MGAT4C: variants seen among roughly 807,000 people sequenced by gnomAD.
The protein encoded by MGAT4C is MGAT4 family member C, also known as alpha-1,3-mannosyl-glycoprotein 4-beta-N-acetylglucosaminyltransferase C.
MGAT4C carries 19 observed loss-of-function variants against 40.1 expected under a neutral mutation model. That is an observed-to-expected ratio of 0.47 (90% CI 0.33 to 0.70). The LOEUF is 0.70. MGAT4C is among the 30% of genes least tolerant of loss of function. The pLI, the probability that MGAT4C is intolerant of heterozygous loss-of-function variation, is 0.02. For synonymous variants in MGAT4C, 181 were observed against 187.1 expected (o/e 0.97, Z 0.27); for missense variants, 491 against 563.2 (o/e 0.87, Z 1.30).
intron 2 of MGAT4C, among the ~76,000 whole-genome samples, chr12:86,594,477 A>G (rs894986534): frequency 6.6e-6 from 1 of 152,198 alleles, no homozygotes; most frequent in African/African-American, 2.4e-5. Context: ...TCATGCTAAA[A>G]GTGGAATTCT....
At chr12:86,567,739 C>T (rs1960193614) in intron 2 of MGAT4C, among the ~76,000 whole-genome samples, 2 of 152,174 alleles carry the variant, frequency 1.3e-5, no homozygotes, top group African/African-American at 4.8e-5. Context: ...CAGCTACAAC[C>T]ACGTGACCAG....
At chr12:86,702,284 G>T (rs1950376800) in intron 2 of MGAT4C, among the ~76,000 whole-genome samples, 1 of 151,336 alleles carries the variant, frequency 6.6e-6, no homozygotes, top group South Asian at 2.1e-4. Flanking sequence ...CGCTCAAGCA[G>T]TCCTCCCACT....
intron 1 of MGAT4C, among the ~76,000 whole-genome samples, chr12:86,244,613 A>G (rs540636613): frequency 9.8e-5 from 15 of 152,330 alleles, no homozygotes; most frequent in Admixed American, 2.6e-4. Context: ...TAAAATCCCA[A>G]AACACATAAA....
intron 1 of MGAT4C, among the ~76,000 whole-genome samples, chr12:86,243,549 C>T (rs537846283): frequency 2.3e-4 from 35 of 152,192 alleles, no homozygotes; most frequent in Non-Finnish European, 4.6e-4. Context: ...AAGAGATTCT[C>T]CTGCTGGCTT....
At chr12:86,334,496 A>T (rs936365299) in intron 3 of MGAT4C, among the ~76,000 whole-genome samples, 1 of 152,144 alleles carries the variant, frequency 6.6e-6, no homozygotes, top group African/African-American at 2.4e-5. Flanking sequence ...AAACAATATG[A>T]TCAATTTAGC....
At chr12:86,836,693 A>G (rs948822685) in intron 1 of MGAT4C, among the ~76,000 whole-genome samples, 2 of 152,168 alleles carry the variant, frequency 1.3e-5, no homozygotes, top group African/African-American at 2.4e-5. Flanking sequence ...CACTTTGACA[A>G]TTGGAGCTGC....
chr12:86,059,837 C>A (rs1045889344), intron 1 of MGAT4C, among the ~76,000 whole-genome samples: 49 of 152,294 alleles, frequency 3.2e-4, no homozygotes, highest in African/African-American at 1.1e-3. Flanking sequence ...AAGACTCTAA[C>A]ACCGTGTAAG....
intron 2 of MGAT4C, among the ~76,000 whole-genome samples, chr12:86,538,100 A>G (rs1010246518): frequency 2.6e-5 from 4 of 152,182 alleles, no homozygotes; most frequent in African/African-American, 9.7e-5. Flanking sequence ...AAATAAATAA[A>G]CAAATAAATA....
At chr12:86,245,355 A>AGG (rs1951980751) in intron 1 of MGAT4C, among the ~76,000 whole-genome samples, 1 of 152,152 alleles carries the variant, frequency 6.6e-6, no homozygotes. Flanking sequence ...GCTTCCTGGA[A>AGG]ACTACAATCT....
chr12:86,457,262 C>T (rs1164267007), intron 2 of MGAT4C, among the ~76,000 whole-genome samples: 1 of 152,082 alleles, frequency 6.6e-6, no homozygotes, highest in African/African-American at 2.4e-5. Context: ...TCCATTCAGG[C>T]ATATTATTTT....
intron 1 of MGAT4C, among the ~76,000 whole-genome samples, chr12:86,199,180 T>C (rs1949938753): frequency 6.6e-6 from 1 of 152,180 alleles, no homozygotes; most frequent in African/African-American, 2.4e-5. Flanking sequence ...TAACTTTTGA[T>C]ATGCCAATAG....
At chr12:86,002,451 C>G (rs959272442) in intron 2 of MGAT4C, 1 of 151,944 alleles carries the variant, frequency 6.6e-6, no homozygotes, top group Non-Finnish European at 1.5e-5. Flanking sequence ...TTAACTTGTT[C>G]CATCTGTCAG....
chr12:86,044,778 C>T (rs1892223631), intron 2 of MGAT4C, among the ~76,000 whole-genome samples: 1 of 152,004 alleles, frequency 6.6e-6, no homozygotes, highest in Non-Finnish European at 1.5e-5. Context: ...AGGTTGGGGC[C>T]CTGGAGCAGA....
intron 1 of MGAT4C, among the ~76,000 whole-genome samples, chr12:86,812,829 A>C (rs573915132): frequency 5.9e-5 from 9 of 152,228 alleles, no homozygotes; most frequent in African/African-American, 2.2e-4. Flanking sequence ...TGGAGTAAGG[A>C]AATATCAGGC....
chr12:86,220,286 T>C (rs925965212), intron 1 of MGAT4C, among the ~76,000 whole-genome samples: 1 of 152,092 alleles, frequency 6.6e-6, no homozygotes, highest in Non-Finnish European at 1.5e-5. Flanking sequence ...CATTGTCCCC[T>C]TTCCTTTTTC....
In MGAT4C at chr12:86,624,280, T is replaced by C. The variant is rs565661495; in HGVS notation, c.-229+102929A>G. On this transcript the variant is annotated intron_variant, in intron 2 of 7. Transcript: ENST00000548651. Reference sequence around the variant, plus strand: ...TACAAGGGAATCTAAAGTTGACACATACAGGGAGCATTGTGTGTACCCAGA... The same window carrying C: ...TACAAGGGAATCTAAAGTTGACACACACAGGGAGCATTGTGTGTACCCAGA... Among the ~76,000 whole-genome samples the C allele has an allele frequency of 2.9e-4, 44 of 152,238 alleles. No individual in the cohort carries two copies. In the South Asian group the frequency reaches 9.1e-3, roughly 32 times the overall value.
chr12:86,506,327 C>T (rs568263232), intron 2 of MGAT4C, among the ~76,000 whole-genome samples: 4 of 152,182 alleles, frequency 2.6e-5, no homozygotes, highest in Admixed American at 2.6e-4. Context: ...TTTTGTTTTG[C>T]CTTGTCTGTA....
chr12:86,311,348 C>G (rs977445149), intron 4 of MGAT4C, among the ~76,000 whole-genome samples: 1 of 152,196 alleles, frequency 6.6e-6, no homozygotes, highest in Non-Finnish European at 1.5e-5. Flanking sequence ...AGAAAAGGTA[C>G]AGTAAAGATA....
At chr12:86,642,581 G>C (rs559349652) in intron 2 of MGAT4C, among the ~76,000 whole-genome samples, 1 of 151,840 alleles carries the variant, frequency 6.6e-6, no homozygotes, top group Non-Finnish European at 1.5e-5. Flanking sequence ...TGAATTAATG[G>C]TGTCCTGGCA....
Sources: gnomAD v4.1 joint callset for allele counts (sites outside exome capture counted in the v4.1 genomes callset) on GRCh38, gnomAD v4.1.1 for gene constraint, MANE v1.5 for transcripts, NCBI Gene and HGNC (gene_info 2026-07-23, HGNC 2026-07-21) for gene names.